PTPRJ: variants seen among roughly 807,000 people sequenced by gnomAD.
PTPRJ encodes the protein protein tyrosine phosphatase receptor type J.
Under a neutral mutation model 141.3 loss-of-function variants are expected in PTPRJ, and 129 were observed. The observed-to-expected ratio is 0.91, with a 90% CI of 0.79 to 1.06. The LOEUF (loss-of-function observed/expected upper bound fraction) is 1.06, where lower values mean the gene tolerates loss of function less well. Among genes scored for constraint, PTPRJ ranks in the 50% least tolerant of loss-of-function variants. PTPRJ has a pLI of 0.00. For synonymous variants in PTPRJ, 610 were observed against 640.5 expected (o/e 0.95, Z 0.72); for missense variants, 1,601 against 1,679.7 (o/e 0.95, Z 0.82).
rs560201939 is a variant in PTPRJ, at chr11:48,069,687, G to A, written c.97-40371G>A. On this transcript the variant is annotated intron_variant, in intron 1 of 24. Coordinates refer to ENST00000418331, the MANE Select transcript of PTPRJ (RefSeq NM_002843.4). The stretch of plus-strand genomic sequence containing the variant: ...AGGATGGTCTTGATCTCCTGACCTC[G>A]TGATCCGCCCACCTCAGCCTCCCAA... Among the ~76,000 whole-genome samples, 17 of 151,752 alleles carry A rather than the reference G, an allele frequency of 1.1e-4. No homozygotes were observed. The South Asian group carries it at 2.7e-3, about 24-fold the overall frequency.
intron 1 of PTPRJ, among the ~76,000 whole-genome samples, chr11:48,023,062 G>T (rs1016388563): frequency 6.6e-6 from 1 of 152,164 alleles, no homozygotes; most frequent in African/African-American, 2.4e-5. Flanking sequence ...ACTTATTAGG[G>T]AGGTACAAAT....
At position 48,052,406 on chromosome 11, in the gene PTPRJ, C is replaced by G. The variant is rs557267402; in HGVS notation, c.97-57652C>G. On this transcript the variant is annotated intron_variant, in intron 1 of 24. Coordinates refer to ENST00000418331, the MANE Select transcript of PTPRJ (RefSeq NM_002843.4). ...GACTTCAGGAGATCCTGGACATCCT[C>G]TGGAGCCCAGGGGTGGCCTCACCCG... 2.2e-3 allele frequency among the ~76,000 whole-genome samples: 331 copies of G among 152,346 alleles called. 2 individuals carry two copies. The highest frequency in any genetic ancestry group is 7.6e-3 in the African/African-American group (316 of 41,582).
chr11:48,033,963 C>T (rs1854059009), intron 1 of PTPRJ, among the ~76,000 whole-genome samples: 1 of 152,226 alleles, frequency 6.6e-6, no homozygotes, highest in African/African-American at 2.4e-5. Context: ...TTCTTCTTTC[C>T]AAGGCAAACT....
At chr11:47,990,930 C>T (rs990380504) in intron 1 of PTPRJ, among the ~76,000 whole-genome samples, 4 of 152,068 alleles carry the variant, frequency 2.6e-5, no homozygotes, top group African/African-American at 7.2e-5. Context: ...CCGCCCGCCT[C>T]AGCCTCCCAA....
chr11:47,986,705 G>A (rs886807973), intron 1 of PTPRJ, among the ~76,000 whole-genome samples: 5 of 152,032 alleles, frequency 3.3e-5, no homozygotes, highest in African/African-American at 4.8e-5. Flanking sequence ...TAGTTGAGAC[G>A]GGGTTTCACC....
intron 1 of PTPRJ, among the ~76,000 whole-genome samples, chr11:48,037,790 G>A (rs1854164683): frequency 6.6e-6 from 1 of 151,946 alleles, no homozygotes; most frequent in South Asian, 2.1e-4. Flanking sequence ...TCCAGCCTGG[G>A]CAACAAGAGC....
In PTPRJ at chr11:48,168,737, C is replaced by CTTTTT. The variant is rs1857985964; in HGVS notation, c.*1377_*1378insTTTTT. The CTTTTT allele has an allele frequency of 8.3e-6, 1 of 120,948 alleles. No individual in the cohort carries two copies. Among genetic ancestry groups the CTTTTT allele is most frequent in the Non-Finnish European group, 1.8e-5 (1 of 54,692 alleles). The allele number at this position is 120,948 out of a possible 1,614,324, so 7.5% of individuals were successfully genotyped here. ...ATGTAGATTAATTTTTTTTTTTTTG[C>CTTTTT]TTCAGGTGTGTATCCACCAAGAATT... On this transcript the variant is annotated 3_prime_UTR_variant, in exon 25 of 25. Transcript: ENST00000418331.
Position 48,167,250 on chromosome 11 carries a change from C to G in PTPRJ, c.3902C>G (p.Ser1301Cys). The G allele has an allele frequency of 6.2e-7, 1 of 1,612,354 alleles. No homozygotes were observed. The highest frequency in any genetic ancestry group is 8.5e-7 in the Non-Finnish European group (1 of 1,178,528). The change falls in exon 25 of 25, where the codon TCC becomes TGC. Residue 1301 changes from serine (S) to cysteine (C), a missense_variant. Ser to Cys is a moderately radical substitution (Grantham distance 112). Transcript: ENST00000418331. ...CAGTGTGTTTTGGATATTGTCAGAT[C>G]CCAGAAAGACTCAAAAGTAGATCTT... ...LNQCVLDIVR[S>C]QKDSKVDLIY...
chr11:48,039,177 T>C lies in PTPRJ; in HGVS notation c.96+58169T>C, dbSNP rs185184307. Among the ~76,000 whole-genome samples the C allele has an allele frequency of 5.5e-3, 836 of 151,738 alleles. 14 individuals are homozygous for C. The highest frequency in any genetic ancestry group is 0.018 in the African/African-American group (748 of 41,346). ...AAAAAAAAAAAAAAGAAAAAGACTATTGGTAACAACCCTCATTTTTTTGAG... is the reference window on the plus strand; with the variant it reads ...AAAAAAAAAAAAAAGAAAAAGACTACTGGTAACAACCCTCATTTTTTTGAG... On this transcript the variant is annotated intron_variant, in intron 1 of 24. Coordinates refer to ENST00000418331, the MANE Select transcript of PTPRJ (RefSeq NM_002843.4).
chr11:48,113,551 T>C (rs887889406), intron 3 of PTPRJ, among the ~76,000 whole-genome samples: 3 of 152,210 alleles, frequency 2.0e-5, no homozygotes, highest in African/African-American at 7.2e-5. Context: ...GCCTGAAATA[T>C]TTATTCTGTG....
At chr11:47,981,666 C>T (rs746805809) in intron 1 of PTPRJ, among the ~76,000 whole-genome samples, 1 of 152,176 alleles carries the variant, frequency 6.6e-6, no homozygotes, top group African/African-American at 2.4e-5. Context: ...GCGCTGGCTC[C>T]CCCTCCCCAC....
intron 1 of PTPRJ, among the ~76,000 whole-genome samples, chr11:48,005,608 C>A (rs767094795): frequency 6.6e-6 from 1 of 152,118 alleles, no homozygotes; most frequent in Non-Finnish European, 1.5e-5. Context: ...AGCTGATGGT[C>A]GTTTGGGTCA....
chr11:48,108,778 A>AG (rs1197658255), intron 1 of PTPRJ, among the ~76,000 whole-genome samples: 2 of 152,186 alleles, frequency 1.3e-5, no homozygotes, highest in Non-Finnish European at 2.9e-5. Flanking sequence ...GGTAGGCCTG[A>AG]GGCGCGAAGG....
At chr11:47,994,429 C>T (rs1036923663) in intron 1 of PTPRJ, among the ~76,000 whole-genome samples, 14 of 152,012 alleles carry the variant, frequency 9.2e-5, no homozygotes, top group East Asian at 5.8e-4. Context: ...CCAAGGCAGG[C>T]GGATTGCCTG....
intron 1 of PTPRJ, among the ~76,000 whole-genome samples, chr11:48,109,411 T>G (rs1856382598): frequency 6.6e-6 from 1 of 152,214 alleles, no homozygotes; most frequent in Non-Finnish European, 1.5e-5. Flanking sequence ...CCTTGAGGGC[T>G]GCTCCCCTCC....
chr11:48,160,086 T>G, intron 22 of PTPRJ, 37 bp downstream of exon 22: 1 of 1,604,396 alleles, frequency 6.2e-7, no homozygotes, highest in African/African-American at 1.3e-5. Context: ...GCTCATGTAA[T>G]TACCATATGT....
chr11:48,123,179 A>C (rs979905848), intron 4 of PTPRJ, among the ~76,000 whole-genome samples: 2 of 152,178 alleles, frequency 1.3e-5, no homozygotes, highest in African/African-American at 4.8e-5. Context: ...TTAAAATGAT[A>C]TTATTTGCAT....
intron 5 of PTPRJ, 128 bp downstream of exon 5, chr11:48,123,998 A>C (rs931582279): frequency 8.8e-7 from 1 of 1,139,832 alleles, no homozygotes; most frequent in African/African-American, 1.6e-5. Context: ...TTTCCTCCAC[A>C]TTTTAGTTTG....
chr11:48,038,132 G>A (rs748396152), intron 1 of PTPRJ, among the ~76,000 whole-genome samples: 2 of 152,096 alleles, frequency 1.3e-5, no homozygotes, highest in Non-Finnish European at 2.9e-5. Flanking sequence ...TTGTGTGCAT[G>A]TCTTTTGATT....
Sources: allele counts gnomAD v4.1 joint callset (sites outside exome capture counted in the v4.1 genomes callset), GRCh38; gene constraint gnomAD v4.1.1; transcripts MANE v1.5; gene names NCBI Gene and HGNC (gene_info 2026-07-23, HGNC 2026-07-21).